The following GRIA4 variants were observed in gnomAD, a reference collection of about 807,000 sequenced individuals.
GRIA4 encodes the protein glutamate receptor 4.
In GRIA4, 34 loss-of-function variants were observed where a neutral mutation model predicts 104.0. The ratio of observed to expected loss-of-function variants is 0.33; its 90% CI spans 0.25 to 0.44. The LOEUF is 0.44. Among genes scored for constraint, GRIA4 ranks in the 20% least tolerant of loss-of-function variants. The probability of loss-of-function intolerance (pLI) is 1.00; values close to 1 mark genes in which losing one functional copy is unlikely to be tolerated. For synonymous variants in GRIA4, 386 were observed against 381.9 expected, an observed-to-expected ratio of 1.01 and a Z score of -0.13; for missense variants, 750 against 1,096.5, an observed-to-expected ratio of 0.68 and a Z score of 4.46.
At chr11:105,908,016 G>GT (rs1220643768) in intron 9 of GRIA4, among the ~76,000 whole-genome samples, 14 of 152,098 alleles carry the variant, frequency 9.2e-5, no homozygotes, top group African/African-American at 2.9e-4. Context: ...GTTTAGGGCT[G>GT]GTGTGGGAAT....
chr11:105,748,014 T>C (rs929483932), intron 3 of GRIA4, among the ~76,000 whole-genome samples: 8 of 152,342 alleles, frequency 5.3e-5, no homozygotes, highest in African/African-American at 1.9e-4. Context: ...TCCTAAGTAC[T>C]GTACACATCT....
intron 4 of GRIA4, among the ~76,000 whole-genome samples, chr11:105,788,945 A>G (rs1206052294): frequency 6.6e-6 from 1 of 152,174 alleles, no homozygotes; most frequent in Non-Finnish European, 1.5e-5. Context: ...CACATTCAAA[A>G]AGTTGAATAA....
At chr11:105,721,679 A>C (rs1937832345) in intron 3 of GRIA4, among the ~76,000 whole-genome samples, 1 of 152,182 alleles carries the variant, frequency 6.6e-6, no homozygotes, top group South Asian at 2.1e-4. Flanking sequence ...GCAATTACAC[A>C]AATTACTTGT....
chr11:105,688,112 A>G (rs1952943989), intron 3 of GRIA4, among the ~76,000 whole-genome samples: 1 of 67,288 alleles, frequency 1.5e-5, no homozygotes, highest in African/African-American at 4.5e-5. Context: ...TCATATCTAT[A>G]TCTATATCTA....
intron 9 of GRIA4, among the ~76,000 whole-genome samples, chr11:105,908,151 T>C (rs190996141): frequency 2.0e-5 from 3 of 152,258 alleles, no homozygotes; most frequent in Admixed American, 2.0e-4. Context: ...GCCAAGATCA[T>C]CCTAAATACA....
chr11:105,913,291 C>G (rs1363022102), intron 10 of GRIA4: 6 of 567,292 alleles, frequency 1.1e-5, no homozygotes, highest in Non-Finnish European at 4.5e-6. Context: ...GTAGTGTTAG[C>G]TTTTATGGCT....
intron 3 of GRIA4, among the ~76,000 whole-genome samples, chr11:105,703,985 T>C (rs1043976455): frequency 6.6e-6 from 1 of 152,108 alleles, no homozygotes; most frequent in Non-Finnish European, 1.5e-5. Flanking sequence ...AATCTATTGA[T>C]ATTCTAGCAT....
intron 14 of GRIA4, among the ~76,000 whole-genome samples, chr11:105,938,161 G>A (rs1173296369): frequency 1.3e-5 from 2 of 152,154 alleles, no homozygotes; most frequent in African/African-American, 4.8e-5. Context: ...GCTGGGGCAG[G>A]TGTATTAAAC....
intron 3 of GRIA4, among the ~76,000 whole-genome samples, chr11:105,672,194 C>T (rs1316548376): frequency 6.6e-6 from 1 of 152,042 alleles, no homozygotes; most frequent in South Asian, 2.1e-4. Context: ...ATTCTTGTGC[C>T]ATTTCAGGAT....
intron 6 of GRIA4, among the ~76,000 whole-genome samples, chr11:105,888,916 A>C (rs1237919965): frequency 1.3e-5 from 2 of 151,868 alleles, no homozygotes; most frequent in African/African-American, 4.9e-5. Context: ...GTTTTAGTAG[A>C]GTGTTTCACT....
intron 13 of GRIA4, among the ~76,000 whole-genome samples, chr11:105,931,706 C>T (rs1042217684): frequency 6.6e-6 from 1 of 151,172 alleles, no homozygotes; most frequent in Non-Finnish European, 1.5e-5. Flanking sequence ...CTCCATCTGC[C>T]CCCTCAAAAA....
chr11:105,818,666 C>T (rs1943468319), intron 4 of GRIA4, among the ~76,000 whole-genome samples: 1 of 152,162 alleles, frequency 6.6e-6, no homozygotes, highest in Non-Finnish European at 1.5e-5. Context: ...ACAACTTTCA[C>T]ATACTGACAT....
At chr11:105,659,154 A>C (rs927445942) in intron 3 of GRIA4, among the ~76,000 whole-genome samples, 1 of 151,972 alleles carries the variant, frequency 6.6e-6, no homozygotes, top group Admixed American at 6.6e-5. Flanking sequence ...CCCATCATCC[A>C]TGTGGTAGCT....
At chr11:105,647,202 A>G (rs1951553949) in intron 3 of GRIA4, among the ~76,000 whole-genome samples, 2 of 152,194 alleles carry the variant, frequency 1.3e-5, no homozygotes, top group African/African-American at 4.8e-5. Context: ...AAAGCTCAGT[A>G]CCACTAGTCA....
chr11:105,876,979 C>T (rs1945851391), intron 5 of GRIA4, among the ~76,000 whole-genome samples: 2 of 152,062 alleles, frequency 1.3e-5, no homozygotes, highest in South Asian at 2.1e-4. Context: ...TTATTTTGCC[C>T]GTTACTTAAA....
intron 3 of GRIA4, among the ~76,000 whole-genome samples, chr11:105,746,872 A>C (rs1939690652): frequency 6.6e-6 from 1 of 152,112 alleles, no homozygotes; most frequent in South Asian, 2.1e-4. Context: ...AAGGCCTTGA[A>C]CCAACAATCG....
chr11:105,761,676 T>C (rs1357197738), intron 4 of GRIA4, among the ~76,000 whole-genome samples: 1 of 152,160 alleles, frequency 6.6e-6, no homozygotes, highest in East Asian at 1.9e-4. Flanking sequence ...AACACTGAAA[T>C]TTGAATTTCA....
In GRIA4 at chr11:105,910,462, T is replaced by A; in HGVS notation, c.1186T>A (p.Leu396Ile). 6.3e-7 allele frequency: 1 copy of A among 1,590,368 alleles called. No homozygotes were observed. The highest frequency in any genetic ancestry group is 8.6e-7 in the Non-Finnish European group (1 of 1,158,440). Reference sequence around the variant, plus strand: ...TGGTTACTGGAATGATATGGATAAGTTAGTCTTGATTCAAGATGTACCAAC... The same window carrying A: ...TGGTTACTGGAATGATATGGATAAGATAGTCTTGATTCAAGATGTACCAAC... ...KVGYWNDMDKLVLIQDVPTLG... is the reference protein window; with the variant it reads ...KVGYWNDMDKIVLIQDVPTLG... The change falls in exon 10 of 17, where the codon TTA becomes ATA. Residue 396 changes from leucine (L) to isoleucine (I), a missense_variant. Physicochemically the swap from Leu to Ile is conservative, Grantham distance 5. Transcript: ENST00000282499.
chr11:105,784,021 C>T (rs1941848333), intron 4 of GRIA4, among the ~76,000 whole-genome samples: 1 of 152,140 alleles, frequency 6.6e-6, no homozygotes, highest in Admixed American at 6.5e-5. Flanking sequence ...GCTTCCTCTA[C>T]ATATGTAGCT....
Sources: allele counts gnomAD v4.1 joint callset (sites outside exome capture counted in the v4.1 genomes callset), GRCh38; gene constraint gnomAD v4.1.1; transcripts MANE v1.5; gene names NCBI Gene and HGNC (gene_info 2026-07-23, HGNC 2026-07-21).